METAP1D: variants seen among roughly 807,000 people sequenced by gnomAD.
METAP1D encodes the protein methionine aminopeptidase 1D, mitochondrial.
Under a neutral mutation model 40.5 loss-of-function variants are expected in METAP1D, and 31 were observed. The ratio of observed to expected loss-of-function variants is 0.77; its 90% CI spans 0.58 to 1.03. The LOEUF (loss-of-function observed/expected upper bound fraction) is 1.03. Among genes scored for constraint, METAP1D ranks in the 50% least tolerant of loss-of-function variants. The pLI is 0.00. For missense variants in METAP1D, 411 were observed against 420.7 expected (o/e 0.98, Z 0.20); for synonymous variants, 151 against 146.4 (o/e 1.03, Z -0.22).
chr2:172,005,547 T>TATATC (rs1227539865), intron 1 of METAP1D, among the ~76,000 whole-genome samples: 2 of 56,112 alleles, frequency 3.6e-5, no homozygotes, highest in African/African-American at 8.7e-5. Context: ...TATATATATC[T>TATATC]TTTTTTTTTT....
At chr2:172,045,860 T>TAG (rs1689752331) in intron 1 of METAP1D, among the ~76,000 whole-genome samples, 1 of 121,568 alleles carries the variant, frequency 8.2e-6, no homozygotes, top group African/African-American at 3.2e-5. Flanking sequence ...TATATATATA[T>TAG]ATATGACGGA....
At position 172,061,509 on chromosome 2, in the gene METAP1D, A is replaced by C; in HGVS notation, c.52A>C (p.Ile18Leu). The C allele has an allele frequency of 6.2e-7, 1 of 1,610,650 alleles. No individual in the cohort carries two copies. Residue 18 changes from isoleucine (I) to leucine (L), a missense_variant, in exon 2 of 10, where the codon ATT becomes CTT. Physicochemically the swap from Ile to Leu is conservative, Grantham distance 5 (BLOSUM62 2). Transcript: ENST00000315796. ...GTTTCTGCTCACAGGTTCTCATAGA[A>C]TTTTCTCTTCACCACTCAATCATAT... ...HLLVRRGSHR[I>L]FSSPLNHIYL...
chr2:172,003,323 A>G (rs754014531), intron 1 of METAP1D, among the ~76,000 whole-genome samples: 1 of 152,114 alleles, frequency 6.6e-6, no homozygotes, highest in Admixed American at 6.6e-5. Flanking sequence ...ACTCTCTCCT[A>G]TCTCAGTCTC....
At chr2:172,079,381 C>A (rs1275530606) in intron 8 of METAP1D, 119 bp downstream of exon 8, 8 of 879,744 alleles carry the variant, frequency 9.1e-6, no homozygotes, top group Non-Finnish European at 1.5e-5. Flanking sequence ...TGAAATAATT[C>A]GGATGCACTG....
intron 2 of METAP1D, among the ~76,000 whole-genome samples, chr2:172,063,185 T>A (rs910239244): frequency 1.2e-4 from 19 of 152,350 alleles, no homozygotes; most frequent in African/African-American, 4.6e-4. Context: ...TGTCTCAGTG[T>A]AAGTACGGTT....
At position 172,042,937 on chromosome 2, in the gene METAP1D, A is replaced by G. The variant is rs1402191977; in HGVS notation, c.41-18561A>G. Among the ~76,000 whole-genome samples the G allele has an allele frequency of 1.6e-5, 2 of 128,052 alleles. 1 individual carries two copies. Among genetic ancestry groups the G allele is most frequent in the Non-Finnish European group, 3.6e-5 (2 of 54,938 alleles). The allele number at this position is 128,052 out of a possible 152,430, so 84.0% of individuals were successfully genotyped here. ...TATACATATATGCGTACATGTGTATACACGTATGCGTACCTGTGTATATAT... is the reference window on the plus strand; with the variant it reads ...TATACATATATGCGTACATGTGTATGCACGTATGCGTACCTGTGTATATAT... On this transcript the variant is annotated intron_variant, in intron 1 of 9. Transcript: ENST00000315796.
chr2:172,057,914 C>G (rs1045473266), intron 1 of METAP1D, among the ~76,000 whole-genome samples: 3 of 150,354 alleles, frequency 2.0e-5, no homozygotes, highest in Admixed American at 6.7e-5. Context: ...GTTTTCTTTC[C>G]CATTTTATTT....
At chr2:172,016,300 A>AAAAAAAATATAT (rs1553490378) in intron 1 of METAP1D, among the ~76,000 whole-genome samples, 10 of 40,048 alleles carry the variant, frequency 2.5e-4, no homozygotes, top group Admixed American at 4.6e-4. Context: ...AAAAAAAAAA[A>AAAAAAAATATAT]ATATATATAT....
chr2:172,072,172 G>T (rs1031785538), intron 6 of METAP1D, among the ~76,000 whole-genome samples: 1 of 152,134 alleles, frequency 6.6e-6, no homozygotes, highest in Admixed American at 6.6e-5. Flanking sequence ...ACTGGGAAAA[G>T]AAATTTAATG....
At chr2:172,069,100 A>G (rs542685167) in intron 5 of METAP1D, among the ~76,000 whole-genome samples, 5 of 152,036 alleles carry the variant, frequency 3.3e-5, no homozygotes, top group Non-Finnish European at 7.4e-5. Flanking sequence ...TTAATTTTGT[A>G]GAGATGGGGT....
intron 1 of METAP1D, among the ~76,000 whole-genome samples, chr2:172,045,839 A>G (rs1376316719): frequency 5.1e-5 from 5 of 97,264 alleles, no homozygotes; most frequent in Non-Finnish European, 8.4e-5. Context: ...ATATATATAT[A>G]TATATATATA....
chr2:172,008,402 C>T (rs1460396552), intron 1 of METAP1D, among the ~76,000 whole-genome samples: 1 of 152,070 alleles, frequency 6.6e-6, no homozygotes, highest in African/African-American at 2.4e-5. Flanking sequence ...CCTGACAGGC[C>T]CTGTCCCAGC....
chr2:172,062,997 T>C (rs548104232), intron 2 of METAP1D, among the ~76,000 whole-genome samples: 2 of 152,322 alleles, frequency 1.3e-5, no homozygotes, highest in South Asian at 4.1e-4. Flanking sequence ...AAGCTTTGTG[T>C]GTAAGATGGT....
At chr2:172,044,113 T>G (rs75698734) in intron 1 of METAP1D, among the ~76,000 whole-genome samples, 2 of 134,330 alleles carry the variant, frequency 1.5e-5, no homozygotes, top group African/African-American at 5.0e-5. Flanking sequence ...ATAGTCATAT[T>G]GTCCTTAGAT....
intron 1 of METAP1D, 63 bp from the exon 2 acceptor site, chr2:172,061,435 C>A: frequency 7.1e-7 from 1 of 1,414,430 alleles, no homozygotes; most frequent in Non-Finnish European, 9.6e-7. Context: ...ACCACAACAT[C>A]TTAAAGTGGA....
intron 1 of METAP1D, among the ~76,000 whole-genome samples, chr2:172,032,298 A>T (rs1456921419): frequency 1.3e-5 from 2 of 152,246 alleles, no homozygotes; most frequent in Non-Finnish European, 2.9e-5. Context: ...TAAAATCAGT[A>T]AAATGTTTCT....
chr2:172,054,868 A>G (rs73976545), intron 1 of METAP1D, among the ~76,000 whole-genome samples: 14 of 152,342 alleles, frequency 9.2e-5, no homozygotes, highest in African/African-American at 3.4e-4. Flanking sequence ...AACACTAAAA[A>G]TAATTCTTAT....
chr2:172,029,525 A>G (rs1014361544), intron 1 of METAP1D, among the ~76,000 whole-genome samples: 1 of 152,264 alleles, frequency 6.6e-6, no homozygotes, highest in African/African-American at 2.4e-5. Flanking sequence ...ACAAAATAGT[A>G]TATAGACAAA....
rs1300638807 is a variant in METAP1D, at chr2:172,081,801, T to C, written c.*1395T>C. 3 of 152,218 alleles carry C rather than the reference T, an allele frequency of 2.0e-5. No homozygotes were observed. Among genetic ancestry groups the C allele is most frequent in the Non-Finnish European group, 2.9e-5 (2 of 68,062 alleles). The allele number at this position is 152,218 out of a possible 1,614,324, so 9.4% of individuals were successfully genotyped here. The stretch of plus-strand genomic sequence containing the variant: ...GGAAGCGGCAAGGAAATGGCACCTG[T>C]AGTTGCCAGGACAGGTGGTGTCCTC... On this transcript the variant is annotated 3_prime_UTR_variant, in exon 10 of 10. Transcript: ENST00000315796.
Sources: allele counts gnomAD v4.1 joint callset (sites outside exome capture counted in the v4.1 genomes callset), GRCh38; gene constraint gnomAD v4.1.1; transcripts MANE v1.5; gene names NCBI Gene and HGNC (gene_info 2026-07-23, HGNC 2026-07-21).